ADAM20: variants seen among roughly 807,000 people sequenced by gnomAD.
The protein encoded by ADAM20 is disintegrin and metalloproteinase domain-containing protein 20.
For synonymous variants in ADAM20, 305 were observed against 310.2 expected, an observed-to-expected ratio of 0.98 and a Z score of 0.18; for missense variants, 871 against 883.2, an observed-to-expected ratio of 0.99 and a Z score of 0.18.
rs1566654645 is a variant in ADAM20 at position 70,523,100 on chromosome 14, T to C, written c.1658A>G (p.Lys553Arg). Residue 553 changes from lysine to arginine, a missense_variant, in exon 2 of 2, where the codon AAA becomes AGA. Lys to Arg is a conservative substitution (Grantham distance 26). Coordinates refer to ENST00000256389, the MANE Select transcript of ADAM20 (RefSeq NM_003814.5). ...HCGIVGTTYV[K>R]CWTPDIMCGR... is the part of the protein sequence containing the mutation. ...ACACATGATATCAGGGGTCCAACATTTTACATATGTTGTGCCTACAATACC... is the reference window on the plus strand; with the variant it reads ...ACACATGATATCAGGGGTCCAACATCTTACATATGTTGTGCCTACAATACC... The C allele has an allele frequency of 1.9e-6, 3 of 1,613,844 alleles. No individual in the cohort carries two copies.
chr14:70,531,402 T>C (rs1026817986), intron 1 of ADAM20, among the ~76,000 whole-genome samples: 1 of 152,134 alleles, frequency 6.6e-6, no homozygotes, highest in Non-Finnish European at 1.5e-5. Context: ...ACAGCTAACA[T>C]TGTACTCAAT....
chr14:70,546,153 C>A, the ADAM20 span, among the ~76,000 whole-genome samples: 1 of 152,036 alleles, frequency 6.6e-6, no homozygotes, highest in African/African-American at 2.4e-5. Context: ...TTTCTTGAAA[C>A]AAATGGTAAT....
chr14:70,531,037 C>A (rs1466510993), intron 1 of ADAM20, among the ~76,000 whole-genome samples: 2 of 151,924 alleles, frequency 1.3e-5, no homozygotes, highest in Non-Finnish European at 1.5e-5. Context: ...ATTTAAAAAT[C>A]AATACAAATT....
chr14:70,554,299 A>G, the ADAM20 span, among the ~76,000 whole-genome samples: 1 of 152,224 alleles, frequency 6.6e-6, no homozygotes, highest in African/African-American at 2.4e-5. Flanking sequence ...TGGCATGGCC[A>G]TTATGGAAAA....
chr14:70,577,103 G>T, the ADAM20 span, among the ~76,000 whole-genome samples: 2 of 152,180 alleles, frequency 1.3e-5, no homozygotes, highest in Non-Finnish European at 2.9e-5. Flanking sequence ...CTCTTTCATG[G>T]AAGAGAATAT....
chr14:70,574,365 G>A, the ADAM20 span, among the ~76,000 whole-genome samples: 1 of 152,166 alleles, frequency 6.6e-6, no homozygotes, highest in African/African-American at 2.4e-5. Flanking sequence ...GAAAGAAGAG[G>A]CCGGGCATGG....
At chr14:70,568,512 C>T in the ADAM20 span, among the ~76,000 whole-genome samples, 1 of 152,152 alleles carries the variant, frequency 6.6e-6, no homozygotes, top group African/African-American at 2.4e-5. Flanking sequence ...TGCACCAACT[C>T]TCTAGTAATG....
the ADAM20 span, among the ~76,000 whole-genome samples, chr14:70,567,734 T>C: frequency 6.6e-6 from 1 of 151,750 alleles, no homozygotes; most frequent in East Asian, 1.9e-4. Flanking sequence ...TGCCCTGAAC[T>C]GGGGTAAGAT....
chr14:70,564,897 T>G, the ADAM20 span, among the ~76,000 whole-genome samples: 1 of 150,850 alleles, frequency 6.6e-6, no homozygotes, highest in East Asian at 2.0e-4. Context: ...AATTTTTTTT[T>G]GATAGACAGG....
chr14:70,554,101 G>T, the ADAM20 span, among the ~76,000 whole-genome samples: 1 of 152,044 alleles, frequency 6.6e-6, no homozygotes, highest in Admixed American at 6.5e-5. Flanking sequence ...TACAAAAATT[G>T]GTAGCATTTC....
chr14:70,553,488 A>G, the ADAM20 span, among the ~76,000 whole-genome samples: 6 of 147,954 alleles, frequency 4.1e-5, no homozygotes, highest in African/African-American at 1.2e-4. Flanking sequence ...AGAGAACCAC[A>G]GGCCAATAAC....
chr14:70,569,356 A>G, the ADAM20 span, among the ~76,000 whole-genome samples: 1 of 152,222 alleles, frequency 6.6e-6, no homozygotes, highest in Non-Finnish European at 1.5e-5. Flanking sequence ...CTACAAAACA[A>G]TTACACAATT....
At position 70,534,845 on chromosome 14, in the gene ADAM20, CTT is replaced by C. The variant is rs1259287928; in HGVS notation, c.-227_-226del. The stretch of plus-strand genomic sequence containing the variant: ...TTTTATATTTTCAGTCCTCTAATAA[CTT>C]TTTAAATTTTTCCTATATTAATTTT... On this transcript the variant is annotated 5_prime_UTR_variant, in exon 1 of 2. Coordinates refer to ENST00000256389, the MANE Select transcript of ADAM20 (RefSeq NM_003814.5). The C allele has an allele frequency of 2.6e-5, 4 of 152,150 alleles. No homozygotes were observed. Among genetic ancestry groups the C allele is most frequent in the Non-Finnish European group, 5.9e-5 (4 of 68,014 alleles). 9.4% of individuals were successfully genotyped at this position (152,150 alleles called of 1,614,324 possible).
rs747412033 is a variant in ADAM20, at chr14:70,523,293, C to T, written c.1465G>A (p.Val489Met). ...CAGGAGATCCCGTCCTGCACATACACATCATCTGGGCATTGATGGGATGTC... is the reference window on the plus strand; with the variant it reads ...CAGGAGATCCCGTCCTGCACATACATATCATCTGGGCATTGATGGGATGTC... ...NGTSHQCPDD[V>M]YVQDGISCNV... Residue 489 changes from valine to methionine, a missense_variant, in exon 2 of 2, where the codon GTG becomes ATG. By Grantham distance (21) the Val-to-Met change is conservative (BLOSUM62 1). Coordinates refer to ENST00000256389, the MANE Select transcript of ADAM20 (RefSeq NM_003814.5). The T allele has an allele frequency of 1.9e-6, 3 of 1,614,022 alleles. No individual in the cohort carries two copies. Among genetic ancestry groups the T allele is most frequent in the East Asian group, 2.2e-5 (1 of 44,882 alleles).
chr14:70,542,091 T>C, the ADAM20 span, among the ~76,000 whole-genome samples: 1 of 152,246 alleles, frequency 6.6e-6, no homozygotes, highest in Non-Finnish European at 1.5e-5. Context: ...ATATTGCTAA[T>C]CCTTTGTTTT....
At chr14:70,540,382 G>C in the ADAM20 span, among the ~76,000 whole-genome samples, 5 of 152,144 alleles carry the variant, frequency 3.3e-5, no homozygotes, top group African/African-American at 4.8e-5. Flanking sequence ...ATTTTTAAGG[G>C]AAAAGTAAAA....
chr14:70,557,413 T>A, the ADAM20 span: 1 of 152,360 alleles, frequency 6.6e-6, no homozygotes, highest in East Asian at 1.9e-4. Flanking sequence ...GTGGTTCAGC[T>A]CTATGGGGTA....
At chr14:70,558,573 G>A in the ADAM20 span, among the ~76,000 whole-genome samples, 1,638 of 152,250 alleles carry the variant, frequency 0.011, 16 homozygotes, top group African/African-American at 0.037. Flanking sequence ...CCAGCTGGGA[G>A]AAACAGATAA....
At chr14:70,564,864 C>G in the ADAM20 span, among the ~76,000 whole-genome samples, 4 of 147,810 alleles carry the variant, frequency 2.7e-5, no homozygotes, top group South Asian at 8.5e-4. Context: ...CTGGGTGACA[C>G]AGCAAGACCC....
Sources: allele counts gnomAD v4.1 joint callset (sites outside exome capture counted in the v4.1 genomes callset), GRCh38; gene constraint gnomAD v4.1.1; transcripts MANE v1.5; gene names NCBI Gene and HGNC (gene_info 2026-07-23, HGNC 2026-07-21).